PAPPA2: variants seen among roughly 807,000 people sequenced by gnomAD.
PAPPA2 encodes the protein pappalysin 2, also known as pappalysin-2.
Under a neutral mutation model 176.4 loss-of-function variants are expected in PAPPA2, and 86 were observed. The observed-to-expected ratio is 0.49, with a 90% CI of 0.41 to 0.58. The LOEUF (loss-of-function observed/expected upper bound fraction) is 0.58. Among genes scored for constraint, PAPPA2 ranks in the 20% least tolerant of loss-of-function variants. The pLI is 0.00. For synonymous variants in PAPPA2, 809 were observed against 852.2 expected (o/e 0.95, Z 0.88); for missense variants, 2,073 against 2,256.9 (o/e 0.92, Z 1.65).
At chr1:176,623,675 TTCTTTCTTTC>T (rs1396139167) in intron 3 of PAPPA2, among the ~76,000 whole-genome samples, 7 of 144,324 alleles carry the variant, frequency 4.9e-5, no homozygotes, top group South Asian at 2.3e-4. Context: ...TTCTTTTTCT[TTCTTTCTTTC>T]TCTCTCTCTT....
intron 4 of PAPPA2, among the ~76,000 whole-genome samples, chr1:176,684,895 C>A (rs2102796265): frequency 6.6e-6 from 1 of 152,302 alleles, no homozygotes; most frequent in South Asian, 2.1e-4. Context: ...TGTCTGTTTG[C>A]AGCCCTGTCC....
At chr1:176,791,260 A>G in intron 18 of PAPPA2, 87 bp from the exon 19 acceptor site, 1 of 1,124,266 alleles carries the variant, frequency 8.9e-7, no homozygotes, top group Non-Finnish European at 1.2e-6. Flanking sequence ...AGAACTGGAG[A>G]ATACTACCAC....
intron 1 of PAPPA2, among the ~76,000 whole-genome samples, chr1:176,548,160 T>C (rs1389205650): frequency 1.3e-5 from 2 of 152,238 alleles, no homozygotes; most frequent in Non-Finnish European, 2.9e-5. Flanking sequence ...GTATAAAAAG[T>C]CAGTATCAGT....
Position 176,771,264 on chromosome 1 carries a change from T to A in PAPPA2, c.4715+84T>A. Reference sequence around the variant, plus strand: ...TTTTTCTGTATAATCTCTCTTTACCTGCAGGGCTATATTCTCCAGTCATGA... The same window carrying A: ...TTTTTCTGTATAATCTCTCTTTACCAGCAGGGCTATATTCTCCAGTCATGA... On this transcript the variant is annotated intron_variant, in intron 17 of 22. Coordinates refer to ENST00000367662, the MANE Select transcript of PAPPA2 (RefSeq NM_020318.3). 3 of 1,380,792 alleles carry A rather than the reference T, an allele frequency of 2.2e-6. No homozygotes were observed. The South Asian group carries it at 3.7e-5, about 17-fold the overall frequency. 85.5% of individuals were successfully genotyped at this position (1,380,792 alleles called of 1,614,324 possible).
In PAPPA2 at chr1:176,623,758, C is replaced by CCTTTCTTTCTTTCTTTCTTTCTTT. The variant is rs71129580; in HGVS notation, c.1991+28191_1991+28214dup. Among the ~76,000 whole-genome samples, 185 of 59,042 alleles carry CCTTTCTTTCTTTCTTTCTTTCTTT rather than the reference C, an allele frequency of 3.1e-3. 7 individuals carry two copies. The highest frequency in any genetic ancestry group is 0.011 in the Middle Eastern group (1 of 90). 38.7% of individuals were successfully genotyped at this position (59,042 alleles called of 152,430 possible). On this transcript the variant is annotated intron_variant, in intron 3 of 22. Transcript: ENST00000367662. ...TTTCTTTCTCTCTCTTTCCTTCCTTCCTTTCTTTCTTTCTTTCTTTCTTTC... is the reference window on the plus strand; with the variant it reads ...TTTCTTTCTCTCTCTTTCCTTCCTTCCTTTCTTTCTTTCTTTCTTTCTTTCTTTCTTTCTTTCTTTCTTTCTTTC...
chr1:176,571,647 C>G (rs549189056), intron 2 of PAPPA2, among the ~76,000 whole-genome samples: 4 of 152,306 alleles, frequency 2.6e-5, no homozygotes, highest in African/African-American at 9.6e-5. Context: ...CTAGTCCGTG[C>G]AAACTCTCCT....
At chr1:176,552,157 G>T (rs926123779) in intron 1 of PAPPA2, among the ~76,000 whole-genome samples, 2 of 151,824 alleles carry the variant, frequency 1.3e-5, no homozygotes, top group Non-Finnish European at 2.9e-5. Flanking sequence ...TGCCTTCCTG[G>T]TCTCCATATT....
At chr1:176,721,235 G>GT (rs1372304939) in intron 12 of PAPPA2, among the ~76,000 whole-genome samples, 3 of 152,136 alleles carry the variant, frequency 2.0e-5, no homozygotes, top group African/African-American at 7.2e-5. Context: ...ATTCTAACTT[G>GT]TTGAGAGTCT....
At chr1:176,474,627 G>A (rs769672558) in intron 1 of PAPPA2, among the ~76,000 whole-genome samples, 12 of 152,016 alleles carry the variant, frequency 7.9e-5, no homozygotes, top group Non-Finnish European at 1.5e-4. Flanking sequence ...GGGATTAGAG[G>A]GAAATGAGGA....
chr1:176,543,112 A>C (rs974308238), intron 1 of PAPPA2, among the ~76,000 whole-genome samples: 9 of 152,218 alleles, frequency 5.9e-5, no homozygotes, highest in Non-Finnish European at 1.3e-4. Flanking sequence ...AGATAGAGTG[A>C]AAATGAATTC....
chr1:176,465,084 G>T (rs942209846), intron 1 of PAPPA2, among the ~76,000 whole-genome samples: 1 of 152,120 alleles, frequency 6.6e-6, no homozygotes, highest in Non-Finnish European at 1.5e-5. Context: ...TCCAAAACAT[G>T]GTGTTCTGTG....
At chr1:176,817,466 T>C (rs1462120400) in intron 21 of PAPPA2, among the ~76,000 whole-genome samples, 1 of 152,102 alleles carries the variant, frequency 6.6e-6, no homozygotes, top group African/African-American at 2.4e-5. Context: ...CAAGATCAGA[T>C]GTGATACATT....
chr1:176,502,967 T>C (rs1404308569), intron 1 of PAPPA2, among the ~76,000 whole-genome samples: 3 of 152,180 alleles, frequency 2.0e-5, no homozygotes, highest in Admixed American at 6.6e-5. Context: ...ATTGTATTAC[T>C]TGACTATTGC....
chr1:176,670,927 C>G, intron 3 of PAPPA2, 43 bp from the exon 4 acceptor site: 1 of 1,610,914 alleles, frequency 6.2e-7, no homozygotes, highest in Non-Finnish European at 8.5e-7. Flanking sequence ...CTCTAAGTAC[C>G]AATTCTTTGC....
chr1:176,468,507 A>G (rs1651730135), intron 1 of PAPPA2, among the ~76,000 whole-genome samples: 1 of 152,110 alleles, frequency 6.6e-6, no homozygotes, highest in Non-Finnish European at 1.5e-5. Flanking sequence ...AAGTGCTGGC[A>G]AAGTGGTCAG....
chr1:176,578,557 G>A (rs768167251), intron 2 of PAPPA2, among the ~76,000 whole-genome samples: 30 of 152,106 alleles, frequency 2.0e-4, no homozygotes, highest in Admixed American at 6.5e-4. Context: ...TCTAAGATAG[G>A]CTCTTGTCAT....
rs551675060 is a variant in PAPPA2, at chr1:176,730,301, A to G, written c.3799-9325A>G. On this transcript the variant is annotated intron_variant, in intron 12 of 22. Coordinates refer to ENST00000367662, the MANE Select transcript of PAPPA2 (RefSeq NM_020318.3). ...TGTCACTTAAATTTATTTGATTTTTATTAATGTCTTATTTTTTTCTATTTT... is the reference window on the plus strand; with the variant it reads ...TGTCACTTAAATTTATTTGATTTTTGTTAATGTCTTATTTTTTTCTATTTT... Among the ~76,000 whole-genome samples the G allele has an allele frequency of 9.2e-5, 14 of 151,954 alleles. No homozygotes were observed. In the South Asian group the frequency reaches 1.9e-3, roughly 20 times the overall value.
At chr1:176,477,940 T>TA (rs1263134767) in intron 1 of PAPPA2, among the ~76,000 whole-genome samples, 10 of 152,144 alleles carry the variant, frequency 6.6e-5, no homozygotes, top group Admixed American at 6.6e-4. Flanking sequence ...CCAGAGAAGT[T>TA]AAACTATTTC....
At chr1:176,756,865 C>T (rs923989209) in intron 14 of PAPPA2, among the ~76,000 whole-genome samples, 13 of 152,186 alleles carry the variant, frequency 8.5e-5, no homozygotes, top group South Asian at 2.1e-4. Context: ...CCCCCAGCCC[C>T]GCCGCCAAAA....
Sources: allele counts gnomAD v4.1 joint callset (sites outside exome capture counted in the v4.1 genomes callset), GRCh38; gene constraint gnomAD v4.1.1; transcripts MANE v1.5; gene names NCBI Gene and HGNC (gene_info 2026-07-23, HGNC 2026-07-21).